The following DDX54 variants were observed in gnomAD, a reference collection of about 807,000 sequenced individuals.
DDX54 encodes the protein DEAD-box helicase 54.
DDX54 carries 67 observed loss-of-function variants against 105.5 expected under a neutral mutation model. The ratio of observed to expected loss-of-function variants is 0.64; its 90% CI spans 0.52 to 0.78. The LOEUF is 0.78. Ranked by LOEUF, DDX54 falls within the 30% of genes least tolerant of loss-of-function variation. The pLI is 0.00. For synonymous variants in DDX54, 514 were observed against 509.9 expected (o/e 1.01, Z -0.11); for missense variants, 1,206 against 1,230.5 (o/e 0.98, Z 0.30).
At chr12:113,172,598 G>A in intron 10 of DDX54, 35 bp from the exon 11 acceptor site, 2 of 1,608,008 alleles carry the variant, frequency 1.2e-6, no homozygotes, top group Non-Finnish European at 1.7e-6. Context: ...AAGTGAGAAG[G>A]AGACTTGGAG....
rs770253069 is a variant in DDX54 at position 113,164,270 on chromosome 12, T to A, written c.1735A>T (p.Asn579Tyr). ...CTGCACAGGTCTCGGCTGGAGGCGT[T>A]GATCTCAAAGATAGTCTGTGGAGGG... ...YRSRATIFEI[N>Y]ASSRDLCSQV... The change falls in exon 15 of 20, where the codon AAC becomes TAC. Residue 579 changes from asparagine (N) to tyrosine (Y), a missense_variant. Transcript: ENST00000306014. 4.3e-5 allele frequency: 69 copies of A among 1,591,964 alleles called. No homozygotes were observed. The highest frequency in any genetic ancestry group is 4.4e-5 in the Non-Finnish European group (52 of 1,171,138).
intron 3 of DDX54, 122 bp from the exon 4 acceptor site, chr12:113,179,453 AC>A: frequency 2.7e-6 from 3 of 1,122,736 alleles, no homozygotes; most frequent in East Asian, 2.6e-5. Flanking sequence ...GGCACCCGTC[AC>A]CCAGCCCTGA....
chr12:113,163,347 A>ACCAG lies in DDX54; in HGVS notation c.1939-77_1939-74dup. ...GGGACTTCCCCCTGCCTCCCTACCCACCAGCCTGGCCACAGTGAGGGGCCA... is the reference window on the plus strand; with the variant it reads ...GGGACTTCCCCCTGCCTCCCTACCCACCAGCCAGCCTGGCCACAGTGAGGGGCCA... On this transcript the variant is annotated intron_variant, in intron 15 of 19. Coordinates refer to ENST00000306014, the MANE Select transcript of DDX54 (RefSeq NM_024072.4). The surrounding 1 kb of genome is among the most constrained non-coding windows in gnomAD (Gnocchi z 5.9). 6.5e-7 allele frequency: 1 copy of ACCAG among 1,529,584 alleles called. No individual in the cohort carries two copies. Among genetic ancestry groups the ACCAG allele is most frequent in the Non-Finnish European group, 8.8e-7 (1 of 1,140,920 alleles). The allele number at this position is 1,529,584 out of a possible 1,614,324, so 94.8% of individuals were successfully genotyped here. A position where few individuals can be genotyped will look rare whatever the true frequency, so the allele number is the denominator to read the frequency against.
chr12:113,175,999 C>T (rs1391290580), intron 7 of DDX54, among the ~76,000 whole-genome samples: 1 of 151,160 alleles, frequency 6.6e-6, no homozygotes, highest in Non-Finnish European at 1.5e-5. Flanking sequence ...CCCCCACATC[C>T]CCCTCCCCAC....
rs561085514 is a variant in DDX54, at chr12:113,185,453, C to T, written c.-2G>A. 2.0e-6 allele frequency: 3 copies of T among 1,498,110 alleles called. No homozygotes were observed. The highest frequency in any genetic ancestry group is 2.5e-5 in the South Asian group (2 of 79,428). 92.8% of individuals were successfully genotyped at this position (1,498,110 alleles called of 1,614,324 possible). On this transcript the variant is annotated 5_prime_UTR_variant, in exon 1 of 20. Transcript: ENST00000306014. ...CGCCGGGCCCTTGTCGGCCGCCATT[C>T]GGGCCGCGCGCTGGGAACGCAGAAG...
At chr12:113,177,396 C>T (rs1952416632) in intron 5 of DDX54, 2 of 337,730 alleles carry the variant, frequency 5.9e-6, no homozygotes, top group Non-Finnish European at 1.1e-5. Flanking sequence ...ACCCACAGTG[C>T]CCCCAGCAAC....
chr12:113,180,913 G>T lies in DDX54; in HGVS notation c.304+16C>A. ...CTGCCACTCCCGCAGAGTCCCTGAT[G>T]CCAAGTTGCACCCACCCATGGACTG... On this transcript the variant is annotated intron_variant, in intron 2 of 19. Coordinates refer to ENST00000306014, the MANE Select transcript of DDX54 (RefSeq NM_024072.4). 1.2e-6 allele frequency: 2 copies of T among 1,612,996 alleles called. No homozygotes were observed. Among genetic ancestry groups the T allele is most frequent in the Non-Finnish European group, 1.7e-6 (2 of 1,179,464 alleles).
intron 12 of DDX54, among the ~76,000 whole-genome samples, chr12:113,167,314 G>A (rs1207641146): frequency 6.6e-6 from 1 of 152,096 alleles, no homozygotes; most frequent in East Asian, 1.9e-4. Flanking sequence ...GAGGTCAAGG[G>A]CGCAGTGAGC....
intron 5 of DDX54, chr12:113,177,418 C>G (rs1201969931): frequency 3.3e-6 from 1 of 299,290 alleles, no homozygotes; most frequent in Non-Finnish European, 6.3e-6. Context: ...AACCCCAGAA[C>G]TACCAGCCCC....
chr12:113,160,350 G>A (rs185583436), intron 19 of DDX54, among the ~76,000 whole-genome samples: 1 of 152,220 alleles, frequency 6.6e-6, no homozygotes, highest in African/African-American at 2.4e-5. Context: ...CCTCTCCCCA[G>A]GGAAGACTCC....
chr12:113,166,064 T>A (rs1302213944), intron 12 of DDX54, 32 bp from the exon 13 acceptor site: 1 of 1,567,170 alleles, frequency 6.4e-7, no homozygotes, highest in Non-Finnish European at 8.6e-7. Flanking sequence ...GTCAGAGGTC[T>A]TTCAGCCTGG....
In DDX54 at chr12:113,164,213, G is replaced by A. The variant is rs773853620; in HGVS notation, c.1792C>T (p.Arg598Cys). The change falls in exon 15 of 20, where the codon CGC (arginine) becomes TGC (cysteine). Residue 598 changes from arginine (R) to cysteine (C), a missense_variant. Physicochemically the swap from Arg to Cys is radical, Grantham distance 180. Transcript: ENST00000306014. ...QVMRAKRQKD[R>C]KAIARFQQGQ... The stretch of plus-strand genomic sequence containing the variant: ...TGCTGGAAGCGGGCGATGGCCTTGC[G>A]GTCCTTCTGCCGCTTGGCGCGCATC... 6.9e-5 allele frequency: 110 copies of A among 1,585,310 alleles called. No individual in the cohort carries two copies. Among genetic ancestry groups the A allele is most frequent in the Non-Finnish European group, 9.0e-5 (105 of 1,166,858 alleles).
chr12:113,159,101 G>T lies in DDX54; in HGVS notation c.2422C>A (p.Arg808=). The T allele has an allele frequency of 6.3e-7, 1 of 1,597,148 alleles. No homozygotes were observed. The highest frequency in any genetic ancestry group is 2.2e-5 in the East Asian group (1 of 44,536). ...GCAGGGGTGCCTGGGGCGTGGGGCC[G>T]GGATGCACCTGCTGGGACAGGGATT... The part of the protein sequence containing the change: ...GKRDRGQGAS[R]PHAPGTPAGR... The change falls in exon 20 of 20, where the codon CGG becomes AGG. Residue 808 remains arginine (R), a synonymous_variant. Transcript: ENST00000306014.
In DDX54 at chr12:113,169,755, C is replaced by T. The variant is rs775646379; in HGVS notation, c.1414+15G>A. ...ACTCCACGGGGACCCCTATCCCCAC[C>T]CAGCCTCCACTCACCTGAGGGCTCC... On this transcript the variant is annotated intron_variant, in intron 12 of 19. Coordinates refer to ENST00000306014, the MANE Select transcript of DDX54 (RefSeq NM_024072.4). 1 of 1,612,756 alleles carries T rather than the reference C, an allele frequency of 6.2e-7. No homozygotes were observed. The highest frequency in any genetic ancestry group is 8.5e-7 in the Non-Finnish European group (1 of 1,179,088).
At chr12:113,162,825 G>T in intron 17 of DDX54, 107 bp downstream of exon 17, 2 of 1,099,434 alleles carry the variant, frequency 1.8e-6, no homozygotes, top group Admixed American at 2.6e-5. Flanking sequence ...CTCACCCCGG[G>T]CATGGAGGGA....
chr12:113,185,031 C>G (rs1249142758), intron 1 of DDX54, among the ~76,000 whole-genome samples: 2 of 152,186 alleles, frequency 1.3e-5, no homozygotes, highest in Non-Finnish European at 2.9e-5. Context: ...GACGCGCGAC[C>G]AAAACCCGGC....
rs774995554 is a variant in DDX54, at chr12:113,165,941, C to T, written c.1506G>A (p.Ser502=). 7 of 1,613,584 alleles carry T rather than the reference C, an allele frequency of 4.3e-6. No individual in the cohort carries two copies. Among genetic ancestry groups the T allele is most frequent in the African/African-American group, 4.0e-5 (3 of 74,948 alleles). ...CGCGGGCCAGGCCCCGTAGCTCCAG[C>T]GATGCCTCCAGGGTGCTCTGCAGAC... ...DSGLQSTLEA[S]LELRGLARVA... Residue 502 remains serine (S), a synonymous_variant, in exon 13 of 20, where the codon TCG becomes TCA. Transcript: ENST00000306014.
chr12:113,183,793 T>C (rs190476923), intron 1 of DDX54: 138 of 152,340 alleles, frequency 9.1e-4, no homozygotes, highest in African/African-American at 3.3e-3. Context: ...TTTTTTTTTT[T>C]TTCTTTTTTT....
At position 113,157,912 on chromosome 12, in the gene DDX54, ATG is replaced by A. The variant is rs1952153286; in HGVS notation, c.*963_*964del. The A allele has an allele frequency of 1.8e-6, 1 of 570,800 alleles. No individual in the cohort carries two copies. Among genetic ancestry groups the A allele is most frequent in the Non-Finnish European group, 3.1e-6 (1 of 318,340 alleles). 35.4% of individuals were successfully genotyped at this position (570,800 alleles called of 1,614,324 possible). A position where few individuals can be genotyped will look rare whatever the true frequency, so the allele number is the denominator to read the frequency against. The stretch of plus-strand genomic sequence containing the variant: ...GAGGTGATGGGAAGGTCAAGGGGCT[ATG>A]TGTGGGGCAACTGCCTCTAAAATGA... On this transcript the variant is annotated 3_prime_UTR_variant, in exon 20 of 20. Coordinates refer to ENST00000306014, the MANE Select transcript of DDX54 (RefSeq NM_024072.4).
Sources: allele counts gnomAD v4.1 joint callset (sites outside exome capture counted in the v4.1 genomes callset), GRCh38; gene constraint gnomAD v4.1.1; non-coding constraint Gnocchi (gnomAD v3.1); transcripts MANE v1.5; gene names NCBI Gene and HGNC (gene_info 2026-07-23, HGNC 2026-07-21).